EXOC6: variants seen among roughly 807,000 people sequenced by gnomAD.
EXOC6 encodes SEC15-like 1.
EXOC6 carries 60 observed loss-of-function variants against 112.5 expected under a neutral mutation model. The ratio of observed to expected loss-of-function variants is 0.53; its 90% CI spans 0.43 to 0.66. The LOEUF (loss-of-function observed/expected upper bound fraction) is 0.66. EXOC6 is among the 30% of genes least tolerant of loss of function. The pLI is 0.00. For synonymous variants in EXOC6, 295 were observed against 308.0 expected (o/e 0.96, Z 0.44); for missense variants, 855 against 957.1 (o/e 0.89, Z 1.41).
intron 1 of EXOC6, among the ~76,000 whole-genome samples, chr10:92,852,397 T>TAAAG (rs1192935541): frequency 1.3e-5 from 2 of 152,116 alleles, no homozygotes; most frequent in African/African-American, 4.8e-5. Context: ...ATACCAGAAC[T>TAAAG]AAAGAAAGAA....
intron 20 of EXOC6, among the ~76,000 whole-genome samples, chr10:93,054,546 A>G (rs989727189): frequency 2.6e-5 from 4 of 152,250 alleles, no homozygotes; most frequent in Admixed American, 6.5e-5. Context: ...ATTTGCACAT[A>G]AGAGATTTGC....
At chr10:92,837,439 G>A (rs750207833) in intron 1 of EXOC6, among the ~76,000 whole-genome samples, 1 of 152,196 alleles carries the variant, frequency 6.6e-6, no homozygotes, top group East Asian at 1.9e-4. Context: ...GGGAGGCTGA[G>A]GTGGGAGATC....
At chr10:93,031,509 T>C (rs1214893242) in intron 20 of EXOC6, among the ~76,000 whole-genome samples, 2 of 119,772 alleles carry the variant, frequency 1.7e-5, no homozygotes, top group African/African-American at 6.5e-5. Flanking sequence ...TTTCTTTCTT[T>C]CTTTTTTTTT....
chr10:92,941,636 G>T (rs180886243), intron 13 of EXOC6, among the ~76,000 whole-genome samples: 1 of 152,006 alleles, frequency 6.6e-6, no homozygotes, highest in Non-Finnish European at 1.5e-5. Context: ...AAGATATTTT[G>T]TATTAGAGAC....
chr10:92,913,094 T>C (rs1264640103), intron 6 of EXOC6, among the ~76,000 whole-genome samples: 1 of 152,220 alleles, frequency 6.6e-6, no homozygotes, highest in East Asian at 1.9e-4. Flanking sequence ...CAGTTTTGTA[T>C]TTACAATAAT....
intron 18 of EXOC6, among the ~76,000 whole-genome samples, chr10:92,988,114 A>G (rs189098055): frequency 2.6e-5 from 4 of 152,248 alleles, no homozygotes; most frequent in African/African-American, 9.6e-5. Context: ...CCTGATCCCA[A>G]ACTGCACTCG....
rs150630588 is a variant in EXOC6, at chr10:92,931,451, C to CATAT, written c.973-2685_973-2682dup. On this transcript the variant is annotated intron_variant, in intron 9 of 21. Coordinates refer to ENST00000260762, the MANE Select transcript of EXOC6 (RefSeq NM_019053.6). ...TGGGACATAGAGTGATATTTTGATA[C>CATAT]ATATATATATAATGTGTAATGATCA... Among the ~76,000 whole-genome samples the CATAT allele has an allele frequency of 7.6e-4, 114 of 150,914 alleles. 1 individual carries two copies. The East Asian group carries it at 0.019, about 25-fold the overall frequency.
intron 6 of EXOC6, among the ~76,000 whole-genome samples, chr10:92,913,822 T>G (rs1273324317): frequency 1.3e-5 from 2 of 152,228 alleles, no homozygotes; most frequent in African/African-American, 4.8e-5. Flanking sequence ...ATGCCTAACA[T>G]GAGTGGCACA....
At chr10:93,041,825 C>T (rs1195989419) in intron 20 of EXOC6, among the ~76,000 whole-genome samples, 1 of 152,202 alleles carries the variant, frequency 6.6e-6, no homozygotes, top group African/African-American at 2.4e-5. Flanking sequence ...GATTCTTCTG[C>T]CTCAGCCTCC....
At chr10:92,902,086 A>G (rs979105891) in intron 5 of EXOC6, among the ~76,000 whole-genome samples, 1 of 151,926 alleles carries the variant, frequency 6.6e-6, no homozygotes, top group East Asian at 1.9e-4. Flanking sequence ...ACACATACAC[A>G]CACACACACA....
intron 20 of EXOC6, among the ~76,000 whole-genome samples, chr10:93,045,273 G>A (rs1227860856): frequency 6.6e-6 from 1 of 152,100 alleles, no homozygotes; most frequent in Non-Finnish European, 1.5e-5. Flanking sequence ...AAAATTTTAG[G>A]GTAAAACATA....
rs117651731 is a variant in EXOC6 at position 92,936,576 on chromosome 10, G to C, written c.1212+691G>C. Among the ~76,000 whole-genome samples, 307 of 152,362 alleles carry C rather than the reference G, an allele frequency of 2.0e-3. 6 individuals are homozygous for C. The East Asian group carries it at 0.044, about 22-fold the overall frequency. Reference sequence around the variant, plus strand: ...CGCCACTGCGCTCCCCTGGGCAACAGAGCGAGACTCCATCTCAAAACAAAC... The same window carrying C: ...CGCCACTGCGCTCCCCTGGGCAACACAGCGAGACTCCATCTCAAAACAAAC... On this transcript the variant is annotated intron_variant, in intron 12 of 21. Transcript: ENST00000260762.
intron 1 of EXOC6, among the ~76,000 whole-genome samples, chr10:92,840,964 T>C (rs756512461): frequency 6.6e-6 from 1 of 152,188 alleles, no homozygotes; most frequent in African/African-American, 2.4e-5. Context: ...AGCCTATTTA[T>C]AGGGTATAAC....
chr10:93,029,985 T>A (rs1845200839), intron 20 of EXOC6, among the ~76,000 whole-genome samples: 1 of 152,078 alleles, frequency 6.6e-6, no homozygotes, highest in Admixed American at 6.6e-5. Flanking sequence ...CTCGGCTCAC[T>A]GCAACCTCTG....
rs770887804 is a variant in EXOC6 at position 92,974,153 on chromosome 10, C to T, written c.1874C>T (p.Pro625Leu). ...GATTATGACTGGACAATGTCTGAGC[C>T]AGATGGAAGAGCTAGTGGTTATTTA... ...LADYDWTMSE[P>L]DGRASGYLMD... The change falls in exon 18 of 22, where the codon CCA becomes CTA. Residue 625 changes from proline (P) to leucine (L), a missense_variant. Pro to Leu is a moderately conservative substitution (Grantham distance 98). Around this residue, in one of 2 missense-constraint regions of EXOC6, gnomAD observed 450 missense variants for 563.5 expected, o/e 0.80. Transcript: ENST00000260762. 2 of 1,602,030 alleles carry T rather than the reference C, an allele frequency of 1.2e-6. No homozygotes were observed. Among genetic ancestry groups the T allele is most frequent in the East Asian group, 2.2e-5 (1 of 44,450 alleles).
At chr10:92,836,453 T>C (rs571996232) in intron 1 of EXOC6, among the ~76,000 whole-genome samples, 1 of 152,304 alleles carries the variant, frequency 6.6e-6, no homozygotes, top group South Asian at 2.1e-4. Flanking sequence ...AGAGCCTGCA[T>C]AGATATGTTC....
intron 2 of EXOC6, among the ~76,000 whole-genome samples, chr10:92,894,121 A>G (rs74149166): frequency 0.028 from 4,244 of 152,286 alleles, 158 homozygotes; most frequent in East Asian, 0.15. Context: ...TGGTTCACCA[A>G]AGGTTATGAT....
rs554259569 is a variant in EXOC6, at chr10:92,883,311, A to G, written c.102-10038A>G. Among the ~76,000 whole-genome samples the G allele has an allele frequency of 1.4e-4, 21 of 152,238 alleles. No homozygotes were observed. In the East Asian group the frequency reaches 1.5e-3, roughly 11 times the overall value. On this transcript the variant is annotated intron_variant, in intron 1 of 21. Coordinates refer to ENST00000260762, the MANE Select transcript of EXOC6 (RefSeq NM_019053.6). ...ATTTTAATAGCTTTTGGTAATTTCT[A>G]TTGTTTCTTTGTGTTTGCTTTAAAA...
chr10:92,938,671 A>G (rs934682311), intron 12 of EXOC6, among the ~76,000 whole-genome samples: 1 of 152,202 alleles, frequency 6.6e-6, no homozygotes, highest in Non-Finnish European at 1.5e-5. Flanking sequence ...AGTACCCAAT[A>G]CATGTTGGCA....
Sources: gnomAD v4.1 joint callset for allele counts (sites outside exome capture counted in the v4.1 genomes callset) on GRCh38, gnomAD v4.1.1 for gene constraint, gnomAD v4.1.1 regional missense constraint, MANE v1.5 for transcripts, NCBI Gene and HGNC (gene_info 2026-07-23, HGNC 2026-07-21) for gene names.